ZSCAN30: variants seen among roughly 807,000 people sequenced by gnomAD.
The protein encoded by ZSCAN30 is zinc finger and SCAN domain containing 30.
A neutral mutation model predicts 44.3 loss-of-function variants in ZSCAN30; 37 were observed. That is an observed-to-expected ratio of 0.84 (90% CI 0.64 to 1.10). The LOEUF (loss-of-function observed/expected upper bound fraction) is 1.10. Among genes scored for constraint, ZSCAN30 ranks in the 50% least tolerant of loss-of-function variants. ZSCAN30 has a pLI of 0.00. For synonymous variants in ZSCAN30, 181 were observed against 204.6 expected, an observed-to-expected ratio of 0.88 and a Z score of 0.98; for missense variants, 549 against 582.6, an observed-to-expected ratio of 0.94 and a Z score of 0.59.
chr18:35,277,761 T>C (rs1332807238), intron 1 of ZSCAN30, among the ~76,000 whole-genome samples: 1 of 152,182 alleles, frequency 6.6e-6, no homozygotes, highest in Non-Finnish European at 1.5e-5. Context: ...GGTTTGTGGA[T>C]GTATACTCTA....
At chr18:35,271,471 T>C (rs536269016) in intron 1 of ZSCAN30, among the ~76,000 whole-genome samples, 2 of 152,352 alleles carry the variant, frequency 1.3e-5, no homozygotes, top group Middle Eastern at 3.5e-3. Context: ...AGAGTGCTGA[T>C]TGGTGTGTTT....
At chr18:35,268,787 A>G (rs1483360296) in intron 1 of ZSCAN30, 1 of 152,240 alleles carries the variant, frequency 6.6e-6, no homozygotes, top group Non-Finnish European at 1.5e-5. Context: ...GAAAAGAAAA[A>G]GAATATTGGT....
At chr18:35,257,944 A>G in intron 3 of ZSCAN30, 1 of 781,072 alleles carries the variant, frequency 1.3e-6, no homozygotes, top group Non-Finnish European at 2.4e-6. Context: ...CCTGAAGAAC[A>G]CATCGTCAAT....
chr18:35,271,834 T>C (rs534423999), intron 1 of ZSCAN30, among the ~76,000 whole-genome samples: 1 of 152,174 alleles, frequency 6.6e-6, no homozygotes, highest in African/African-American at 2.4e-5. Flanking sequence ...AAGAATTTGA[T>C]TGTGGCGCAG....
chr18:35,256,515 C>T (rs1245369233), intron 3 of ZSCAN30, among the ~76,000 whole-genome samples: 2 of 151,250 alleles, frequency 1.3e-5, no homozygotes, highest in African/African-American at 4.9e-5. Flanking sequence ...GAACCAAGAT[C>T]ACACCACTGC....
At position 35,257,998 on chromosome 18, in the gene ZSCAN30, C is replaced by T. The variant is rs370066749; in HGVS notation, c.554-3617G>A. On this transcript the variant is annotated intron_variant, in intron 3 of 3. Transcript: ENST00000333206. Reference sequence around the variant, plus strand: ...TCTCCATCTCAGGCGCTACTTCTGGCAAGGCATATCATGAGGCTAGTGAAG... The same window carrying T: ...TCTCCATCTCAGGCGCTACTTCTGGTAAGGCATATCATGAGGCTAGTGAAG... The T allele has an allele frequency of 7.7e-5, 60 of 780,884 alleles. No individual in the cohort carries two copies. The African/African-American group carries it at 9.6e-4, about 13-fold the overall frequency. The allele number at this position is 780,884 out of a possible 1,614,324, so 48.4% of individuals were successfully genotyped here. A position where few individuals can be genotyped will look rare whatever the true frequency, so the allele number is the denominator to read the frequency against.
intron 1 of ZSCAN30, among the ~76,000 whole-genome samples, chr18:35,278,315 T>C (rs1283729078): frequency 6.6e-6 from 1 of 152,204 alleles, no homozygotes; most frequent in Non-Finnish European, 1.5e-5. Flanking sequence ...CCCCACCCTC[T>C]GGGTACCTCG....
intron 1 of ZSCAN30, chr18:35,267,919 C>G (rs2044195556): frequency 6.6e-6 from 1 of 152,086 alleles, no homozygotes; most frequent in East Asian, 1.9e-4. Context: ...CTAGGAGCTG[C>G]GGAAGGGCTG....
rs1358076954 is a variant in ZSCAN30, at chr18:35,267,519, A to C, written c.-103-3064T>G. 2.6e-5 allele frequency: 4 copies of C among 152,140 alleles called. No homozygotes were observed. The East Asian group carries it at 7.8e-4, about 30-fold the overall frequency. The allele number at this position is 152,140 out of a possible 1,614,324, so 9.4% of individuals were successfully genotyped here. ...CGGCGGGAACCCACCCCCGGGAGCG[A>C]GAACAATGCCCGGCCGCACGCGCGC... On this transcript the variant is annotated intron_variant, in intron 1 of 3. Transcript: ENST00000333206.
At chr18:35,265,121 G>A (rs1275422611) in intron 1 of ZSCAN30, among the ~76,000 whole-genome samples, 3 of 151,506 alleles carry the variant, frequency 2.0e-5, no homozygotes, top group Non-Finnish European at 2.9e-5. Flanking sequence ...ACTCCAGCCT[G>A]GGCAACAGAG....
intron 1 of ZSCAN30, among the ~76,000 whole-genome samples, chr18:35,272,350 G>GT (rs35727680): frequency 0.73 from 100,196 of 137,748 alleles, 39,394 homozygotes; most frequent in Non-Finnish European, 0.89. Context: ...ATTTTAGAAA[G>GT]TTTTTTTTTT....
chr18:35,270,031 G>A (rs1346225502), intron 1 of ZSCAN30: 9 of 152,286 alleles, frequency 5.9e-5, no homozygotes, highest in Non-Finnish European at 1.3e-4. Flanking sequence ...GGGGTGGGGA[G>A]GGGAGAGTGA....
intron 1 of ZSCAN30, among the ~76,000 whole-genome samples, chr18:35,278,950 C>A (rs2044410171): frequency 6.6e-6 from 1 of 152,206 alleles, no homozygotes; most frequent in Non-Finnish European, 1.5e-5. Context: ...GCAGCATTCT[C>A]TTCATAGCAA....
At position 35,252,714 on chromosome 18, in the gene ZSCAN30, C is replaced by T. The variant is rs896077725; in HGVS notation, c.*736G>A. On this transcript the variant is annotated 3_prime_UTR_variant, in exon 4 of 4. Transcript: ENST00000333206. ...TACTTTGATGGAAACCCGCATTTTT[C>T]CTACCAAAGCACTTACCACACTTTA... 3 of 152,116 alleles carry T rather than the reference C, an allele frequency of 2.0e-5. No homozygotes were observed. The highest frequency in any genetic ancestry group is 7.2e-5 in the African/African-American group (3 of 41,404). 9.4% of individuals were successfully genotyped at this position (152,116 alleles called of 1,614,324 possible).
chr18:35,283,962 G>A (rs2044507464), intron 1 of ZSCAN30: 1 of 152,416 alleles, frequency 6.6e-6, no homozygotes, highest in African/African-American at 2.4e-5. Context: ...GCTTTACTGA[G>A]AAGGAGGAGC....
At chr18:35,273,625 C>A (rs76920826) in intron 1 of ZSCAN30, among the ~76,000 whole-genome samples, 19,244 of 152,250 alleles carry the variant, frequency 0.13, 1,424 homozygotes, top group South Asian at 0.17. Flanking sequence ...ACCATTTCCA[C>A]CATTGAATGG....
intron 1 of ZSCAN30, among the ~76,000 whole-genome samples, chr18:35,287,318 A>G (rs2044569072): frequency 6.6e-6 from 1 of 152,162 alleles, no homozygotes. Context: ...AAACTGATTC[A>G]GAAATTGATA....
chr18:35,287,911 T>C (rs1398426787), intron 1 of ZSCAN30, among the ~76,000 whole-genome samples: 1 of 151,766 alleles, frequency 6.6e-6, no homozygotes, highest in Non-Finnish European at 1.5e-5. Flanking sequence ...CCTGCTCTGT[T>C]GCCCAGGCTG....
At chr18:35,271,171 G>A (rs549791843) in intron 1 of ZSCAN30, among the ~76,000 whole-genome samples, 4 of 152,200 alleles carry the variant, frequency 2.6e-5, no homozygotes, top group Admixed American at 6.5e-5. Flanking sequence ...GACCCCACCA[G>A]GTTCCTGCTG....
Sources: gnomAD v4.1 joint callset for allele counts (sites outside exome capture counted in the v4.1 genomes callset) on GRCh38, gnomAD v4.1.1 for gene constraint, MANE v1.5 for transcripts, NCBI Gene and HGNC (gene_info 2026-07-23, HGNC 2026-07-21) for gene names.